PTPN3: variants seen among roughly 807,000 people sequenced by gnomAD.
The protein encoded by PTPN3 is protein tyrosine phosphatase non-receptor type 3.
Under a neutral mutation model 132.7 loss-of-function variants are expected in PTPN3, and 96 were observed. That is an observed-to-expected ratio of 0.72 (90% CI 0.61 to 0.86). The LOEUF is 0.86. Among genes scored for constraint, PTPN3 ranks in the 40% least tolerant of loss-of-function variants. The pLI, the probability that PTPN3 is intolerant of heterozygous loss-of-function variation, is 0.00. For missense variants in PTPN3, 1,125 were observed against 1,159.6 expected (o/e 0.97, Z 0.43); for synonymous variants, 398 against 429.0 (o/e 0.93, Z 0.89).
chr9:109,494,122 C>T (rs1403410058), intron 1 of PTPN3, among the ~76,000 whole-genome samples: 1 of 152,160 alleles, frequency 6.6e-6, no homozygotes, highest in East Asian at 1.9e-4. Context: ...GGCCCATGTA[C>T]AGAGATAAAG....
At chr9:109,513,327 T>G in the PTPN3 span, among the ~76,000 whole-genome samples, 1 of 152,154 alleles carries the variant, frequency 6.6e-6, no homozygotes, top group Admixed American at 6.5e-5. Context: ...GCGTGGAATG[T>G]TCTTTCTTGT....
rs1456520846 is a variant in PTPN3, at chr9:109,457,333, A to G, written c.205T>C (p.Tyr69His). The G allele has an allele frequency of 1.2e-6, 2 of 1,614,084 alleles. No homozygotes were observed. Among genetic ancestry groups the G allele is most frequent in the Non-Finnish European group, 1.7e-6 (2 of 1,180,038 alleles). ...HNHLGVTEKE[Y>H]FGLQHDDDSV... Reference sequence around the variant, plus strand: ...TCGTCATCATGCTGTAAACCAAAATATTCCTTTTCAGTCACACCCAGGTGG... The same window carrying G: ...TCGTCATCATGCTGTAAACCAAAATGTTCCTTTTCAGTCACACCCAGGTGG... The change falls in exon 3 of 26, where the codon TAT becomes CAT. Residue 69 changes from tyrosine to histidine, a missense_variant. Tyr to His is a moderately conservative substitution (Grantham distance 83). Coordinates refer to ENST00000374541, the MANE Select transcript of PTPN3 (RefSeq NM_002829.4).
Position 109,457,181 on chromosome 9 carries a change from T to G in PTPN3, c.281A>C (p.Gln94Pro). The G allele has an allele frequency of 5.0e-6, 8 of 1,613,984 alleles. No homozygotes were observed. Among genetic ancestry groups the G allele is most frequent in the Non-Finnish European group, 6.8e-6 (8 of 1,179,828 alleles). ...WLEASKAIRK[Q>P]LKGGFPCTLH... is the part of the protein sequence containing the mutation. ...GAAAAGATCACACCAACCTTTTAAC[T>G]GCTTCCTGATGGCTTTGCTTGCTTC... Residue 94 changes from glutamine to proline, a missense_variant, in exon 4 of 26, where the codon CAG (glutamine) becomes CCG (proline). By Grantham distance (76) the Gln-to-Pro change is moderately conservative. Coordinates refer to ENST00000374541, the MANE Select transcript of PTPN3 (RefSeq NM_002829.4).
At chr9:109,449,998 T>C (rs1042693988) in intron 5 of PTPN3, 3 of 983,576 alleles carry the variant, frequency 3.1e-6, no homozygotes, top group African/African-American at 3.5e-5. Flanking sequence ...CTATCTCCAT[T>C]TTTACAGATG....
At chr9:109,481,044 T>C (rs996881616) in intron 1 of PTPN3, among the ~76,000 whole-genome samples, 2 of 152,184 alleles carry the variant, frequency 1.3e-5, no homozygotes, top group African/African-American at 4.8e-5. Flanking sequence ...GGAAATCTAA[T>C]AGGCTAAACA....
intron 1 of PTPN3, among the ~76,000 whole-genome samples, chr9:109,480,083 T>C (rs1490460934): frequency 6.6e-6 from 1 of 152,252 alleles, no homozygotes; most frequent in Non-Finnish European, 1.5e-5. Flanking sequence ...CTAATGATGC[T>C]GAGCATCTTT....
chr9:109,457,031 G>T, intron 4 of PTPN3, 142 bp downstream of exon 4: 1 of 782,790 alleles, frequency 1.3e-6, no homozygotes, highest in Non-Finnish European at 2.1e-6. Flanking sequence ...AAGTCAGACA[G>T]GGAGAAGTCG....
At chr9:109,393,157 C>A (rs973101014) in intron 19 of PTPN3, among the ~76,000 whole-genome samples, 6 of 152,112 alleles carry the variant, frequency 3.9e-5, no homozygotes. Context: ...GAAATAACTA[C>A]CCTAATTTTC....
the PTPN3 span, among the ~76,000 whole-genome samples, chr9:109,532,509 C>T: frequency 6.6e-6 from 1 of 151,422 alleles, no homozygotes; most frequent in African/African-American, 2.4e-5. Context: ...AAATGAAGTT[C>T]TTACACATCT....
At chr9:109,426,850 TG>T in intron 12 of PTPN3, 99 bp downstream of exon 12, 1 of 1,342,070 alleles carries the variant, frequency 7.5e-7, no homozygotes, top group Non-Finnish European at 1.0e-6. Context: ...CCCTGGGCTA[TG>T]GGTTTCCTCC....
At chr9:109,434,786 A>T (rs1334379344) in intron 9 of PTPN3, among the ~76,000 whole-genome samples, 1 of 152,194 alleles carries the variant, frequency 6.6e-6, no homozygotes, top group African/African-American at 2.4e-5. Context: ...GAAATGAGAG[A>T]TGAAAACCTA....
chr9:109,418,832 T>A (rs962451921), intron 14 of PTPN3, among the ~76,000 whole-genome samples: 3 of 152,174 alleles, frequency 2.0e-5, no homozygotes, highest in Non-Finnish European at 2.9e-5. Flanking sequence ...TTAGATGCTG[T>A]ACAATTCTGT....
intron 14 of PTPN3, among the ~76,000 whole-genome samples, chr9:109,416,229 TG>T (rs1383468958): frequency 1.3e-5 from 2 of 152,152 alleles, no homozygotes; most frequent in Admixed American, 6.5e-5. Flanking sequence ...GGAACCTTGA[TG>T]CTGGGTCAGC....
intron 7 of PTPN3, among the ~76,000 whole-genome samples, chr9:109,444,866 G>A (rs1225765380): frequency 1.3e-5 from 2 of 152,330 alleles, no homozygotes; most frequent in South Asian, 2.1e-4. Context: ...AGGTTTCCAT[G>A]TGTATAAGGG....
intron 1 of PTPN3, among the ~76,000 whole-genome samples, chr9:109,473,694 A>T (rs2132079293): frequency 6.6e-6 from 1 of 152,206 alleles, no homozygotes; most frequent in East Asian, 1.9e-4. Context: ...AACTCATGCT[A>T]AGTATATTAA....
chr9:109,519,725 A>C, the PTPN3 span, among the ~76,000 whole-genome samples: 1 of 145,744 alleles, frequency 6.9e-6, no homozygotes, highest in Admixed American at 7.1e-5. Flanking sequence ...ATAAGAGGAC[A>C]CTTTGATGGA....
At chr9:109,470,730 G>A (rs556837781) in intron 1 of PTPN3, among the ~76,000 whole-genome samples, 6 of 152,042 alleles carry the variant, frequency 3.9e-5, no homozygotes, top group African/African-American at 1.4e-4. Flanking sequence ...CTTGGGTGGG[G>A]ATTTATTTAT....
chr9:109,381,004 A>T (rs1335155090), intron 25 of PTPN3, among the ~76,000 whole-genome samples: 2 of 152,088 alleles, frequency 1.3e-5, no homozygotes, highest in African/African-American at 4.8e-5. Flanking sequence ...CTGTCTCTGC[A>T]CCCTTCTTTG....
intron 22 of PTPN3, 22 bp downstream of exon 22, chr9:109,389,211 A>C: frequency 6.2e-7 from 1 of 1,613,312 alleles, no homozygotes; most frequent in South Asian, 1.1e-5. Flanking sequence ...CACACATCTG[A>C]ATTAGAAATC....
Sources: gnomAD v4.1 joint callset for allele counts (sites outside exome capture counted in the v4.1 genomes callset) on GRCh38, gnomAD v4.1.1 for gene constraint, MANE v1.5 for transcripts, NCBI Gene and HGNC (gene_info 2026-07-23, HGNC 2026-07-21) for gene names.